Variants in CNTN4 observed in about 807,000 individuals in gnomAD.
CNTN4 encodes the protein contactin-4.
A neutral mutation model predicts 122.5 loss-of-function variants in CNTN4; 77 were observed. The observed-to-expected ratio is 0.63, with a 90% CI of 0.52 to 0.76. The LOEUF is 0.76. Ranked by LOEUF, CNTN4 falls within the 30% of genes least tolerant of loss-of-function variation. CNTN4 has a pLI of 0.00. For missense variants in CNTN4, 1,256 were observed against 1,259.1 expected, an observed-to-expected ratio of 1.00 and a Z score of 0.04; for synonymous variants, 512 against 447.0, an observed-to-expected ratio of 1.15 and a Z score of -1.83.
chr3:2,559,765 C>G (rs1175994160), intron 3 of CNTN4, among the ~76,000 whole-genome samples: 1 of 151,956 alleles, frequency 6.6e-6, no homozygotes, highest in East Asian at 1.9e-4. Context: ...TGGAAATATC[C>G]CACCATCTGC....
At chr3:3,025,360 A>G (rs1698640113) in intron 14 of CNTN4, among the ~76,000 whole-genome samples, 2 of 152,186 alleles carry the variant, frequency 1.3e-5, no homozygotes, top group Admixed American at 6.5e-5. Context: ...AAAATGTCTA[A>G]TAAAATTTGC....
chr3:2,130,994 G>A (rs776469075), intron 2 of CNTN4, among the ~76,000 whole-genome samples: 10 of 152,080 alleles, frequency 6.6e-5, no homozygotes, highest in Non-Finnish European at 1.3e-4. Flanking sequence ...TTTCCAGAGC[G>A]TTTTGCATAT....
intron 2 of CNTN4, among the ~76,000 whole-genome samples, chr3:2,249,603 G>C (rs769053498): frequency 1.7e-3 from 253 of 152,022 alleles, no homozygotes; most frequent in Non-Finnish European, 2.7e-3. Context: ...AAAGAGAGAA[G>C]AGTAGTTGAA....
chr3:2,903,674 TA>T (rs2094199433), intron 12 of CNTN4, among the ~76,000 whole-genome samples: 2 of 152,232 alleles, frequency 1.3e-5, no homozygotes, highest in Non-Finnish European at 2.9e-5. Flanking sequence ...TTGGGTCAAC[TA>T]TTCCTATTAC....
intron 3 of CNTN4, among the ~76,000 whole-genome samples, chr3:2,463,625 G>A (rs1334066190): frequency 6.6e-6 from 1 of 152,096 alleles, no homozygotes; most frequent in Admixed American, 6.5e-5. Flanking sequence ...TGGGTGTGGT[G>A]GCGAGCACCT....
At chr3:2,307,803 G>A (rs1159107281) in intron 2 of CNTN4, among the ~76,000 whole-genome samples, 1 of 133,662 alleles carries the variant, frequency 7.5e-6, no homozygotes, top group Non-Finnish European at 1.5e-5. Context: ...AATCTGTTGT[G>A]GTCATAATTC....
chr3:2,895,224 C>T (rs1326133953), intron 10 of CNTN4, among the ~76,000 whole-genome samples: 3 of 152,130 alleles, frequency 2.0e-5, no homozygotes, highest in Non-Finnish European at 4.4e-5. Context: ...GATCCACCTG[C>T]CTCGGCCTCC....
intron 8 of CNTN4, among the ~76,000 whole-genome samples, chr3:2,877,057 T>A (rs1264045809): frequency 2.0e-5 from 3 of 152,180 alleles, no homozygotes; most frequent in Non-Finnish European, 2.9e-5. Context: ...TTGAGAACCA[T>A]TGTTTTAGGA....
chr3:2,277,871 C>T (rs567982873), intron 2 of CNTN4, among the ~76,000 whole-genome samples: 1 of 152,272 alleles, frequency 6.6e-6, no homozygotes, highest in South Asian at 2.1e-4. Context: ...ATTTCTTCTT[C>T]CTTGCATGGC....
chr3:2,747,210 C>G lies in CNTN4; in HGVS notation c.358+1513C>G, dbSNP rs935080611. On this transcript the variant is annotated intron_variant, in intron 6 of 24. Coordinates refer to ENST00000418658, the MANE Select transcript of CNTN4 (RefSeq NM_175607.3). ...GGATCACGAGGTCAGGAGATCGAGACCATCCTGGCTAACACGATGAAACCG... is the reference window on the plus strand; with the variant it reads ...GGATCACGAGGTCAGGAGATCGAGAGCATCCTGGCTAACACGATGAAACCG... Among the ~76,000 whole-genome samples the G allele has an allele frequency of 5.9e-5, 9 of 152,040 alleles. No homozygotes were observed. In the South Asian group the frequency reaches 1.7e-3, roughly 28 times the overall value.
intron 3 of CNTN4, among the ~76,000 whole-genome samples, chr3:2,425,337 C>T (rs1252329807): frequency 2.0e-5 from 3 of 152,074 alleles, no homozygotes; most frequent in African/African-American, 7.2e-5. Context: ...AATCCTTTCC[C>T]TATTTCTTGT....
At chr3:2,342,857 AAG>A (rs1205720992) in intron 3 of CNTN4, among the ~76,000 whole-genome samples, 2 of 152,224 alleles carry the variant, frequency 1.3e-5, no homozygotes, top group African/African-American at 4.8e-5. Flanking sequence ...ATACATGTAT[AAG>A]AAATACCTAG....
intron 2 of CNTN4, among the ~76,000 whole-genome samples, chr3:2,238,314 T>G (rs1386738963): frequency 1.3e-5 from 2 of 152,084 alleles, no homozygotes; most frequent in Non-Finnish European, 2.9e-5. Flanking sequence ...TAGCTAAATC[T>G]TATATAAACA....
At chr3:2,593,674 G>T (rs181725189) in intron 4 of CNTN4, among the ~76,000 whole-genome samples, 26 of 152,278 alleles carry the variant, frequency 1.7e-4, no homozygotes, top group African/African-American at 6.3e-4. Context: ...TAAACATGTT[G>T]AAAATATTTT....
At chr3:2,663,275 A>G (rs766605958) in intron 4 of CNTN4, among the ~76,000 whole-genome samples, 29 of 152,304 alleles carry the variant, frequency 1.9e-4, no homozygotes, top group South Asian at 4.2e-4. Context: ...TATAATAGGA[A>G]TAGATAATGA....
chr3:2,653,076 C>G (rs2083437148), intron 4 of CNTN4, among the ~76,000 whole-genome samples: 2 of 151,914 alleles, frequency 1.3e-5, no homozygotes, highest in Admixed American at 6.6e-5. Context: ...ATTAATGAAG[C>G]TAATTTTTTT....
At chr3:2,366,735 A>C (rs1559490682) in intron 3 of CNTN4, among the ~76,000 whole-genome samples, 1 of 151,012 alleles carries the variant, frequency 6.6e-6, no homozygotes, top group Non-Finnish European at 1.5e-5. Flanking sequence ...TCAAAAAAAA[A>C]AAAATAATAA....
At position 2,866,941 on chromosome 3, in the gene CNTN4, G is replaced by C; in HGVS notation, c.644G>C (p.Arg215Thr). 1 of 1,613,470 alleles carries C rather than the reference G, an allele frequency of 6.2e-7. No homozygotes were observed. The highest frequency in any genetic ancestry group is 8.5e-7 in the Non-Finnish European group (1 of 1,179,502). Residue 215 changes from arginine to threonine, a missense_variant, in exon 8 of 25, where the codon AGA becomes ACA. Coordinates refer to ENST00000418658, the MANE Select transcript of CNTN4 (RefSeq NM_175607.3). ...VLGPPTPLIL[R>T]NDGVMGEYEP... ...GGGCCACCTACACCACTAATATTGA[G>C]AAATGATGGTGAGTTTTCAAGTAAT...
chr3:2,678,158 C>T (rs1474616824), intron 4 of CNTN4, among the ~76,000 whole-genome samples: 1 of 152,052 alleles, frequency 6.6e-6, no homozygotes, highest in Non-Finnish European at 1.5e-5. Context: ...TAATACCACT[C>T]TTATTGTAGT....
Sources: gnomAD v4.1 joint callset for allele counts (sites outside exome capture counted in the v4.1 genomes callset) on GRCh38, gnomAD v4.1.1 for gene constraint, MANE v1.5 for transcripts, NCBI Gene and HGNC (gene_info 2026-07-23, HGNC 2026-07-21) for gene names.